NFASC: variants seen among roughly 807,000 people sequenced by gnomAD.
The protein encoded by NFASC is neurofascin homolog.
Under a neutral mutation model 147.5 loss-of-function variants are expected in NFASC, and 43 were observed. The ratio of observed to expected loss-of-function variants is 0.29; its 90% CI spans 0.23 to 0.38. The LOEUF (loss-of-function observed/expected upper bound fraction) is 0.38. Ranked by LOEUF, NFASC falls within the 10% of genes least tolerant of loss-of-function variation. The probability of loss-of-function intolerance (pLI) is 1.00; values close to 1 mark genes in which losing one functional copy is unlikely to be tolerated. For missense variants in NFASC, 1,320 were observed against 1,689.0 expected, an observed-to-expected ratio of 0.78 and a Z score of 3.83; for synonymous variants, 622 against 665.5, an observed-to-expected ratio of 0.93 and a Z score of 1.01.
At chr1:204,839,292 C>T (rs1389541891) in intron 1 of NFASC, among the ~76,000 whole-genome samples, 1 of 151,372 alleles carries the variant, frequency 6.6e-6, no homozygotes, top group African/African-American at 2.4e-5. Context: ...GTGCTCAGTA[C>T]TGCGGGCATT....
intron 19 of NFASC, 70 bp from the exon 20 acceptor site, chr1:204,980,300 G>C: frequency 8.3e-7 from 1 of 1,200,362 alleles, no homozygotes; most frequent in South Asian, 1.2e-5. Flanking sequence ...AGGTAGGACA[G>C]AGGAAGGTTC....
At chr1:204,845,578 A>C (rs1676770325) in intron 1 of NFASC, among the ~76,000 whole-genome samples, 1 of 152,110 alleles carries the variant, frequency 6.6e-6, no homozygotes, top group Non-Finnish European at 1.5e-5. Flanking sequence ...AGAAAGACTT[A>C]AAGGAGGAGA....
At chr1:204,842,654 T>C (rs745820975) in intron 1 of NFASC, among the ~76,000 whole-genome samples, 12 of 152,276 alleles carry the variant, frequency 7.9e-5, no homozygotes, top group Non-Finnish European at 1.5e-4. Flanking sequence ...CCTGGGGTTT[T>C]AATGCTTAAT....
At chr1:204,868,835 A>T (rs2077334395) in intron 1 of NFASC, among the ~76,000 whole-genome samples, 1 of 152,204 alleles carries the variant, frequency 6.6e-6, no homozygotes. Flanking sequence ...TGATTTTCTC[A>T]GCATTTTATC....
chr1:204,869,310 G>A (rs1187292276), intron 1 of NFASC, among the ~76,000 whole-genome samples: 2 of 152,144 alleles, frequency 1.3e-5, no homozygotes, highest in Non-Finnish European at 2.9e-5. Context: ...ACCACAATGA[G>A]TACTTTATCT....
intron 21 of NFASC, chr1:204,985,865 A>G (rs2278795): frequency 0.4 from 542,939 of 1,353,626 alleles, 111,229 homozygotes; most frequent in Middle Eastern, 0.48. Context: ...CAACTAACCC[A>G]GCCCTGCCTG....
intron 15 of NFASC, among the ~76,000 whole-genome samples, 154 bp from the exon 16 acceptor site, chr1:204,976,517 C>T (rs780943082): frequency 6.6e-6 from 1 of 152,104 alleles, no homozygotes; most frequent in Admixed American, 6.5e-5. Flanking sequence ...GTGAAGACCT[C>T]ACCTCTGTCA....
chr1:204,830,255 G>A (rs1290144518), intron 1 of NFASC, among the ~76,000 whole-genome samples: 1 of 152,178 alleles, frequency 6.6e-6, no homozygotes, highest in African/African-American at 2.4e-5. Flanking sequence ...AATTGTTTGT[G>A]TGGAGCCAAA....
chr1:204,909,298 T>C (rs142791903), intron 1 of NFASC, among the ~76,000 whole-genome samples: 1 of 152,354 alleles, frequency 6.6e-6, no homozygotes, highest in East Asian at 1.9e-4. Context: ...TGTATAGTGA[T>C]GTCTCACTAT....
intron 5 of NFASC, among the ~76,000 whole-genome samples, chr1:204,953,783 A>G (rs1329289063): frequency 6.6e-6 from 1 of 152,222 alleles, no homozygotes; most frequent in East Asian, 1.9e-4. Flanking sequence ...TCAAGTTTGC[A>G]TTCCTAGTAG....
intron 2 of NFASC, among the ~76,000 whole-genome samples, chr1:204,935,750 G>A (rs2092761916): frequency 6.6e-6 from 1 of 152,164 alleles, no homozygotes. Context: ...AGCGTGGGAA[G>A]GCTGGGGGAT....
In NFASC at chr1:204,968,490, C is replaced by T. The variant is rs2095077279; in HGVS notation, c.818+130C>T. On this transcript the variant is annotated intron_variant, in intron 9 of 29. Transcript: ENST00000339876. The surrounding 1 kb of genome is among the most constrained non-coding windows in gnomAD (Gnocchi z 5.4). ...CAGCAAAAAGAGAAGCAAACAGCCT[C>T]TAGTGAGCAGGGTGTTGCAAACCAT... 4.3e-6 allele frequency: 3 copies of T among 693,032 alleles called. No individual in the cohort carries two copies. Among genetic ancestry groups the T allele is most frequent in the Non-Finnish European group, 7.5e-6 (3 of 399,748 alleles). The allele number at this position is 693,032 out of a possible 1,614,324, so 42.9% of individuals were successfully genotyped here. A position where few individuals can be genotyped will look rare whatever the true frequency, so the allele number is the denominator to read the frequency against.
chr1:205,005,485 C>T (rs1487933223), intron 27 of NFASC, among the ~76,000 whole-genome samples: 2 of 152,196 alleles, frequency 1.3e-5, no homozygotes, highest in Non-Finnish European at 2.9e-5. Context: ...TGTTCTGGCT[C>T]CCGTCAGTTA....
At chr1:204,837,989 T>G (rs1368516703) in intron 1 of NFASC, among the ~76,000 whole-genome samples, 1 of 152,134 alleles carries the variant, frequency 6.6e-6, no homozygotes, top group African/African-American at 2.4e-5. Context: ...ATTATGAAAA[T>G]GCACACCCTC....
At chr1:204,906,143 C>CT (rs1394554516) in intron 1 of NFASC, among the ~76,000 whole-genome samples, 1 of 152,036 alleles carries the variant, frequency 6.6e-6, no homozygotes, top group African/African-American at 2.4e-5. Context: ...TGAGGTGTAT[C>CT]TTCATTGTTT....
At chr1:204,970,796 A>G (rs1323804695) in intron 11 of NFASC, 49 bp downstream of exon 11, 1 of 1,611,926 alleles carries the variant, frequency 6.2e-7, no homozygotes, top group South Asian at 1.1e-5. Context: ...TCTGCTGTCA[A>G]AGGCTTCAGA....
chr1:204,881,757 G>A (rs561762970), intron 1 of NFASC, among the ~76,000 whole-genome samples: 54 of 152,260 alleles, frequency 3.5e-4, no homozygotes, highest in African/African-American at 1.3e-3. Context: ...CCAAACTTTA[G>A]CCAGGTTCCT....
At chr1:204,983,035 A>G (rs1210168862) in intron 21 of NFASC, among the ~76,000 whole-genome samples, 5 of 152,214 alleles carry the variant, frequency 3.3e-5, no homozygotes, top group African/African-American at 7.2e-5. Flanking sequence ...CCTCACCTCC[A>G]TGGTGGTGGG....
chr1:204,841,266 G>C (rs1378436023), intron 1 of NFASC, among the ~76,000 whole-genome samples: 1 of 152,150 alleles, frequency 6.6e-6, no homozygotes, highest in Non-Finnish European at 1.5e-5. Flanking sequence ...GCTCAGAAGG[G>C]GAACCACCTT....
Sources: allele counts gnomAD v4.1 joint callset (sites outside exome capture counted in the v4.1 genomes callset), GRCh38; gene constraint gnomAD v4.1.1; non-coding constraint Gnocchi (gnomAD v3.1); transcripts MANE v1.5; gene names NCBI Gene and HGNC (gene_info 2026-07-23, HGNC 2026-07-21).